GARIN1B: variants seen among roughly 807,000 people sequenced by gnomAD.
GARIN1B encodes golgi associated RAB2 interactor 1B.
At chr7:128,726,734 C>T in the GARIN1B span, 2 of 1,370,424 alleles carry the variant, frequency 1.5e-6, no homozygotes, top group Non-Finnish European at 1.0e-6. Flanking sequence ...TAAAGCTTTG[C>T]ATCAGGAACT....
the GARIN1B span, among the ~76,000 whole-genome samples, chr7:128,729,395 A>G: frequency 6.6e-6 from 1 of 152,196 alleles, no homozygotes; most frequent in Non-Finnish European, 1.5e-5. Context: ...GGCAGATTCT[A>G]ATTTCTTGGG....
chr7:128,731,471 A>C, the GARIN1B span: 3 of 367,802 alleles, frequency 8.2e-6, no homozygotes, highest in Non-Finnish European at 1.5e-5. Flanking sequence ...AGCAGATGAG[A>C]GACACAAAGA....
At chr7:128,718,831 G>T in the GARIN1B span, 1 of 1,613,008 alleles carries the variant, frequency 6.2e-7, no homozygotes, top group Non-Finnish European at 8.5e-7. Context: ...GTGGCTTCAG[G>T]ATTCTCCCAT....
the GARIN1B span, among the ~76,000 whole-genome samples, chr7:128,720,303 A>G: frequency 6.6e-6 from 1 of 150,638 alleles, no homozygotes; most frequent in Admixed American, 6.6e-5. Context: ...GGTTCAAGTG[A>G]TTCTCCCACC....
At chr7:128,725,319 T>C in the GARIN1B span, among the ~76,000 whole-genome samples, 1 of 151,818 alleles carries the variant, frequency 6.6e-6, no homozygotes, top group Non-Finnish European at 1.5e-5. Context: ...TTTTTGGCTA[T>C]CTCAAATTAT....
At chr7:128,728,227 A>G in the GARIN1B span, among the ~76,000 whole-genome samples, 3 of 152,132 alleles carry the variant, frequency 2.0e-5, no homozygotes, top group Non-Finnish European at 2.9e-5. Context: ...ATGGATCACG[A>G]GGTTAGGAGT....
chr7:128,730,056 G>A, the GARIN1B span: 1 of 1,613,926 alleles, frequency 6.2e-7, no homozygotes, highest in Non-Finnish European at 8.5e-7. Context: ...GGCCACAGCT[G>A]GCCCCACCCA....
chr7:128,724,183 G>A, the GARIN1B span, among the ~76,000 whole-genome samples: 1 of 151,866 alleles, frequency 6.6e-6, no homozygotes, highest in Non-Finnish European at 1.5e-5. Flanking sequence ...GCTAATTATT[G>A]TATTTTTAGT....
chr7:128,726,898 C>T, the GARIN1B span: 2 of 1,603,560 alleles, frequency 1.2e-6, no homozygotes, highest in Non-Finnish European at 1.7e-6. Context: ...GGTACCATGC[C>T]TCAAAGAGCT....
chr7:128,723,771 C>T, the GARIN1B span, among the ~76,000 whole-genome samples: 1 of 151,406 alleles, frequency 6.6e-6, no homozygotes, highest in African/African-American at 2.4e-5. Context: ...CTCGGCCTCC[C>T]AAAGTGCTGG....
At chr7:128,731,240 C>T in the GARIN1B span, 3 of 916,716 alleles carry the variant, frequency 3.3e-6, no homozygotes, top group Non-Finnish European at 5.4e-6. Context: ...ATAGAGTCAT[C>T]TCACGGTGAC....
chr7:128,729,838 G>A, the GARIN1B span: 7 of 1,556,322 alleles, frequency 4.5e-6, no homozygotes, highest in Non-Finnish European at 5.3e-6. Context: ...CCAAATGTCA[G>A]CTGTAACCTG....
chr7:128,720,354 A>G, the GARIN1B span, among the ~76,000 whole-genome samples: 1 of 151,670 alleles, frequency 6.6e-6, no homozygotes, highest in Non-Finnish European at 1.5e-5. Context: ...ATGCACCACC[A>G]CACTCAACTA....
chr7:128,714,883 G>A, the GARIN1B span, among the ~76,000 whole-genome samples: 36,339 of 152,026 alleles, frequency 0.24, 5,162 homozygotes, highest in East Asian at 0.6. Flanking sequence ...CCTAAGGGAA[G>A]TAAGTCCTGC....
At chr7:128,731,073 A>G in the GARIN1B span, 23 of 1,605,866 alleles carry the variant, frequency 1.4e-5, no homozygotes, top group Non-Finnish European at 2.0e-5. Context: ...ATATCCTATC[A>G]AACACTTTTC....
chr7:128,719,114 A>C, the GARIN1B span: 1 of 1,605,922 alleles, frequency 6.2e-7, no homozygotes, highest in Admixed American at 1.7e-5. Context: ...CCCTGCAGTC[A>C]AGGCCAAAGC....
At chr7:128,712,073 C>G in the GARIN1B span, among the ~76,000 whole-genome samples, 1 of 152,080 alleles carries the variant, frequency 6.6e-6, no homozygotes, top group African/African-American at 2.4e-5. Flanking sequence ...AAAAACCTTG[C>G]TGTATTTTCC....
the GARIN1B span, among the ~76,000 whole-genome samples, chr7:128,725,287 G>A: frequency 6.6e-6 from 1 of 152,196 alleles, no homozygotes; most frequent in African/African-American, 2.4e-5. Flanking sequence ...GACTCTAATA[G>A]AGCAAGGTAT....
the GARIN1B span, among the ~76,000 whole-genome samples, chr7:128,713,430 T>C: frequency 2.2e-4 from 34 of 152,240 alleles, no homozygotes; most frequent in Admixed American, 2.0e-3. Context: ...GCAGGGGAAG[T>C]AGGAAGGGGT....
Sources: gnomAD v4.1 joint callset for allele counts (sites outside exome capture counted in the v4.1 genomes callset) on GRCh38, gnomAD v4.1.1 for gene constraint, MANE v1.5 for transcripts, NCBI Gene and HGNC (gene_info 2026-07-23, HGNC 2026-07-21) for gene names.